MYLK: variants seen among roughly 807,000 people sequenced by gnomAD.
The protein encoded by MYLK is myosin light chain kinase.
Under a neutral mutation model 203.4 loss-of-function variants are expected in MYLK, and 106 were observed. The observed-to-expected ratio is 0.52, with a 90% CI of 0.45 to 0.61. MYLK has a LOEUF of 0.61. MYLK is among the 20% of genes least tolerant of loss of function. The probability of loss-of-function intolerance (pLI) is 0.00; values close to 1 mark genes in which losing one functional copy is unlikely to be tolerated. For synonymous variants in MYLK, 867 were observed against 959.5 expected (o/e 0.90, Z 1.78); for missense variants, 2,072 against 2,442.3 (o/e 0.85, Z 3.20).
At chr3:123,733,321 G>A (rs760536682) in intron 10 of MYLK, among the ~76,000 whole-genome samples, 14 of 152,108 alleles carry the variant, frequency 9.2e-5, no homozygotes, top group Non-Finnish European at 1.9e-4. Context: ...CAGCGTGATG[G>A]GCAAGGTCTC....
At position 123,629,762 on chromosome 3, in the gene MYLK, C is replaced by G. The variant is rs2058333775; in HGVS notation, c.4962-136G>C. The stretch of plus-strand genomic sequence containing the variant: ...TCATGCTCTGTGGGCCTTGCACCTG[C>G]CTTTCTTCCACTTGTGGAAAGAAAA... On this transcript the variant is annotated intron_variant, in intron 29 of 33. Coordinates refer to ENST00000360304, the MANE Select transcript of MYLK (RefSeq NM_053025.4). This position sits in a 1 kb window ranked among gnomAD's most constrained non-coding sequence, Gnocchi z 4.4. 1.4e-5 allele frequency: 12 copies of G among 857,632 alleles called. No homozygotes were observed. In the South Asian group the frequency reaches 1.9e-4, roughly 14 times the overall value. The allele number at this position is 857,632 out of a possible 1,614,324, so 53.1% of individuals were successfully genotyped here. A position where few individuals can be genotyped will look rare whatever the true frequency, so the allele number is the denominator to read the frequency against.
intron 4 of MYLK, among the ~76,000 whole-genome samples, chr3:123,771,560 T>C (rs1049340630): frequency 5.3e-5 from 8 of 152,320 alleles, no homozygotes; most frequent in Admixed American, 4.6e-4. Context: ...ATTTTGCGAG[T>C]TGAATGATTG....
rs567726174 is a variant in MYLK at position 123,648,396 on chromosome 3, A to G, written c.4415+575T>C. ...TTACAGTGAGCACTGATCAGGCTAC[A>G]CTGACTTCTGTGGATCAAATGGAAG... On this transcript the variant is annotated intron_variant, in intron 26 of 33. Coordinates refer to ENST00000360304, the MANE Select transcript of MYLK (RefSeq NM_053025.4). The surrounding 1 kb of genome is among the most constrained non-coding windows in gnomAD (Gnocchi z 4.5). 6.6e-6 allele frequency among the ~76,000 whole-genome samples: 1 copy of G among 152,364 alleles called. No individual in the cohort carries two copies.
At chr3:123,751,437 G>A (rs1389227100) in intron 5 of MYLK, among the ~76,000 whole-genome samples, 2 of 152,210 alleles carry the variant, frequency 1.3e-5, no homozygotes, top group South Asian at 2.1e-4. Flanking sequence ...AAGTCATGTG[G>A]TTTTTGCAAT....
At chr3:123,678,847 T>G (rs2060160967) in intron 20 of MYLK, among the ~76,000 whole-genome samples, 1 of 152,198 alleles carries the variant, frequency 6.6e-6, no homozygotes, top group South Asian at 2.1e-4. Context: ...TGAGTATTTT[T>G]GGGGCGTGAG....
intron 4 of MYLK, among the ~76,000 whole-genome samples, chr3:123,765,530 CAA>C (rs566247292): frequency 6.6e-5 from 6 of 90,854 alleles, no homozygotes; most frequent in Non-Finnish European, 4.6e-5. Context: ...GATTCCACCT[CAA>C]AAAAAAAAAA....
intron 13 of MYLK, among the ~76,000 whole-genome samples, chr3:123,718,436 G>A (rs1315956155): frequency 6.6e-6 from 1 of 152,228 alleles, no homozygotes; most frequent in Admixed American, 6.5e-5. Flanking sequence ...TTTTCACGGA[G>A]TAAATTGTTT....
At chr3:123,678,983 T>C (rs956563772) in intron 20 of MYLK, among the ~76,000 whole-genome samples, 1 of 152,120 alleles carries the variant, frequency 6.6e-6, no homozygotes, top group African/African-American at 2.4e-5. Context: ...ACAATTATCC[T>C]CCAAAGGGAG....
intron 33 of MYLK, chr3:123,617,832 T>C (rs2057594186): frequency 6.6e-6 from 1 of 152,252 alleles, no homozygotes; most frequent in African/African-American, 2.4e-5. Flanking sequence ...GTCATCAACT[T>C]TGCTCATTTC....
Position 123,640,291 on chromosome 3 carries a change from C to T in MYLK, c.4833G>A (p.Arg1611=), listed in dbSNP as rs199792889. 1.9e-6 allele frequency: 3 copies of T among 1,613,836 alleles called. No homozygotes were observed. Among genetic ancestry groups the T allele is most frequent in the Admixed American group, 1.7e-5 (1 of 60,004 alleles). Residue 1611 remains arginine (R), a synonymous_variant, in exon 28 of 34, where the codon AGG becomes AGA. Coordinates refer to ENST00000360304, the MANE Select transcript of MYLK (RefSeq NM_053025.4). The surrounding 1 kb of genome is among the most constrained non-coding windows in gnomAD (Gnocchi z 4.3). The part of the protein sequence containing the change: ...IKLIDFGLAR[R]LENAGSLKVL... The stretch of plus-strand genomic sequence containing the variant: ...GGAGAGGCAGATGAGCCTTACCCAG[C>T]CTCCTGGCCAGACCAAAGTCGATGA...
chr3:123,662,425 G>T (rs530272870), intron 23 of MYLK, among the ~76,000 whole-genome samples: 32 of 152,228 alleles, frequency 2.1e-4, no homozygotes, highest in Admixed American at 9.8e-4. Context: ...AACTAAGTCA[G>T]GGAATCACAG....
At chr3:123,758,074 C>G (rs1285026824) in intron 4 of MYLK, among the ~76,000 whole-genome samples, 1 of 150,722 alleles carries the variant, frequency 6.6e-6, no homozygotes, top group Non-Finnish European at 1.5e-5. Flanking sequence ...AGAAGGAAAA[C>G]ATTAACACCC....
At position 123,751,980 on chromosome 3, in the gene MYLK, G is replaced by A. The variant is rs139371846; in HGVS notation, c.373+351C>T. On this transcript the variant is annotated intron_variant, in intron 5 of 33. Coordinates refer to ENST00000360304, the MANE Select transcript of MYLK (RefSeq NM_053025.4). ...TGTGACCACGGTGGGCTGAACAGGT[G>A]CAGAGTGGCAGAAGATGGGTCTGAG... Among the ~76,000 whole-genome samples, 9 of 152,198 alleles carry A rather than the reference G, an allele frequency of 5.9e-5. No homozygotes were observed. The East Asian group carries it at 7.7e-4, about 13-fold the overall frequency.
intron 4 of MYLK, among the ~76,000 whole-genome samples, chr3:123,786,027 G>A (rs1198901310): frequency 6.6e-6 from 1 of 152,140 alleles, no homozygotes; most frequent in Non-Finnish European, 1.5e-5. Flanking sequence ...AGTAGGCCGG[G>A]CACAGTGGCT....
At position 123,700,486 on chromosome 3, in the gene MYLK, C is replaced by G; in HGVS notation, c.2982G>C (p.Glu994Asp). 6.2e-7 allele frequency: 1 copy of G among 1,607,836 alleles called. No individual in the cohort carries two copies. The highest frequency in any genetic ancestry group is 1.1e-5 in the South Asian group (1 of 90,600). ...GGGTCTCGGCACTGCTGCTGCCATTCTCTGCTGGTAATTTCTTCTTGCCAC... is the reference window on the plus strand; with the variant it reads ...GGGTCTCGGCACTGCTGCTGCCATTGTCTGCTGGTAATTTCTTCTTGCCAC... The part of the protein sequence containing the change: ...VLGGKKKLPA[E>D]NGSSSAETLN... Residue 994 changes from glutamate (E) to aspartate (D), a missense_variant, in exon 18 of 34, where the codon GAG becomes GAC. Glu to Asp is a conservative substitution (Grantham distance 45). Transcript: ENST00000360304.
intron 22 of MYLK, 114 bp from the exon 23 acceptor site, chr3:123,664,372 G>A (rs1388717456): frequency 1.3e-5 from 19 of 1,465,260 alleles, no homozygotes; most frequent in Non-Finnish European, 1.8e-5. Flanking sequence ...AAGCTGTGGG[G>A]GGGCTCAGTC....
intron 4 of MYLK, among the ~76,000 whole-genome samples, chr3:123,791,004 G>A (rs931288323): frequency 6.6e-6 from 1 of 152,170 alleles, no homozygotes; most frequent in East Asian, 1.9e-4. Flanking sequence ...ACTCATAAGA[G>A]GTTCTGCAAG....
chr3:123,702,400 A>T (rs537853674), intron 16 of MYLK, among the ~76,000 whole-genome samples: 81 of 152,266 alleles, frequency 5.3e-4, no homozygotes, highest in African/African-American at 1.9e-3. Flanking sequence ...CTTTCATGAC[A>T]CCCACACGCA....
rs181048627 is a variant in MYLK at position 123,793,382 on chromosome 3, G to A, written c.165+295C>T. On this transcript the variant is annotated intron_variant, in intron 4 of 33. Transcript: ENST00000360304. ...TGTATTCTTCCTGCCACCGGACCGCGTCTTCTTTTTCTGTAATTATATAGC... is the reference window on the plus strand; with the variant it reads ...TGTATTCTTCCTGCCACCGGACCGCATCTTCTTTTTCTGTAATTATATAGC... Among the ~76,000 whole-genome samples, 23 of 152,212 alleles carry A rather than the reference G, an allele frequency of 1.5e-4. No homozygotes were observed. In the East Asian group the frequency reaches 1.5e-3, roughly 10 times the overall value.
Sources: gnomAD v4.1 joint callset for allele counts (sites outside exome capture counted in the v4.1 genomes callset) on GRCh38, gnomAD v4.1.1 for gene constraint, Gnocchi (gnomAD v3.1) non-coding constraint, MANE v1.5 for transcripts, NCBI Gene and HGNC (gene_info 2026-07-23, HGNC 2026-07-21) for gene names.